The following SEC24B variants were observed in gnomAD, a reference collection of about 807,000 sequenced individuals.
SEC24B encodes the protein protein transport protein Sec24B.
SEC24B carries 45 observed loss-of-function variants against 142.8 expected under a neutral mutation model. That is an observed-to-expected ratio of 0.32 (90% confidence interval 0.25 to 0.40). The LOEUF is 0.40. Among genes scored for constraint, SEC24B ranks in the 10% least tolerant of loss-of-function variants. SEC24B has a pLI of 1.00. For synonymous variants in SEC24B, 574 were observed against 568.2 expected (o/e 1.01, Z -0.15); for missense variants, 1,409 against 1,526.8 (o/e 0.92, Z 1.29).
At chr4:109,524,374 T>A (rs1044976285) in intron 14 of SEC24B, among the ~76,000 whole-genome samples, 2 of 152,154 alleles carry the variant, frequency 1.3e-5, no homozygotes, top group African/African-American at 4.8e-5. Flanking sequence ...AGCTCAAGTC[T>A]TCTCATACCA....
chr4:109,529,880 C>G (rs201613271), intron 18 of SEC24B, among the ~76,000 whole-genome samples: 2 of 152,072 alleles, frequency 1.3e-5, no homozygotes, highest in Admixed American at 1.3e-4. Flanking sequence ...ACTACAGGCA[C>G]GTGCCACCAT....
At chr4:109,462,023 CTG>C (rs1163277120) in intron 1 of SEC24B, among the ~76,000 whole-genome samples, 1 of 152,036 alleles carries the variant, frequency 6.6e-6, no homozygotes, top group East Asian at 1.9e-4. Flanking sequence ...GAGCCTGTCT[CTG>C]TAAAAAATAA....
At chr4:109,534,502 G>T (rs1232758560) in intron 22 of SEC24B, among the ~76,000 whole-genome samples, 1 of 151,942 alleles carries the variant, frequency 6.6e-6, no homozygotes, top group African/African-American at 2.4e-5. Context: ...CAGGAGAATG[G>T]TGTGAACTCG....
At chr4:109,516,752 T>C in intron 11 of SEC24B, 112 bp downstream of exon 11, 1 of 553,662 alleles carries the variant, frequency 1.8e-6, no homozygotes, top group Non-Finnish European at 3.1e-6. Context: ...ATTTATCAAC[T>C]AAAAAGAGTA....
intron 17 of SEC24B, 108 bp downstream of exon 17, chr4:109,526,507 G>T: frequency 2.7e-6 from 2 of 734,462 alleles, no homozygotes; most frequent in Non-Finnish European, 4.2e-6. Flanking sequence ...GGGAAGTAAT[G>T]GAATTTGTAT....
At chr4:109,499,471 CA>C (rs1043743780) in intron 6 of SEC24B, among the ~76,000 whole-genome samples, 1 of 150,188 alleles carries the variant, frequency 6.7e-6, no homozygotes, top group Non-Finnish European at 1.5e-5. Flanking sequence ...GAACCTGTGA[CA>C]AAAGAAAAAA....
At chr4:109,528,797 G>A (rs1724563769) in intron 18 of SEC24B, among the ~76,000 whole-genome samples, 1 of 152,224 alleles carries the variant, frequency 6.6e-6, no homozygotes, top group Non-Finnish European at 1.5e-5. Flanking sequence ...TAGAGAAAGA[G>A]AGTTATTAAT....
At chr4:109,472,831 T>A (rs1286897709) in intron 2 of SEC24B, among the ~76,000 whole-genome samples, 173 bp from the exon 3 acceptor site, 1 of 150,520 alleles carries the variant, frequency 6.6e-6, no homozygotes, top group Non-Finnish European at 1.5e-5. Flanking sequence ...TAGGTAAATG[T>A]GATGCTATTG....
intron 4 of SEC24B, among the ~76,000 whole-genome samples, chr4:109,490,009 A>G (rs1309989889): frequency 6.6e-6 from 1 of 152,092 alleles, no homozygotes; most frequent in African/African-American, 2.4e-5. Flanking sequence ...CACTGCATAA[A>G]TATTAGTGTC....
At chr4:109,453,889 C>T (rs1414152751) in intron 1 of SEC24B, among the ~76,000 whole-genome samples, 7 of 152,192 alleles carry the variant, frequency 4.6e-5, no homozygotes, top group Non-Finnish European at 1.0e-4. Flanking sequence ...CGGAGTTTCG[C>T]TCTTGTCCCC....
intron 4 of SEC24B, among the ~76,000 whole-genome samples, chr4:109,482,973 T>TAC (rs1243190224): frequency 3.4e-4 from 21 of 61,402 alleles, no homozygotes; most frequent in Middle Eastern, 7.9e-3. Flanking sequence ...TATATATATA[T>TAC]ATATATACAC....
Position 109,539,732 on chromosome 4 carries a change from C to A in SEC24B, c.*57C>A. On this transcript the variant is annotated 3_prime_UTR_variant, in exon 24 of 24. Coordinates refer to ENST00000265175, the MANE Select transcript of SEC24B (RefSeq NM_006323.5). ...ATAACCTAGGTAAAGCATAATCTGT[C>A]AGAGAAGCGCGTGAGAAATTTGAAA... The A allele has an allele frequency of 8.9e-7, 1 of 1,129,654 alleles. No homozygotes were observed. Among genetic ancestry groups the A allele is most frequent in the Non-Finnish European group, 1.3e-6 (1 of 756,670 alleles). 70.0% of individuals were successfully genotyped at this position (1,129,654 alleles called of 1,614,324 possible).
At chr4:109,449,721 T>A (rs893237100) in intron 1 of SEC24B, among the ~76,000 whole-genome samples, 11 of 152,182 alleles carry the variant, frequency 7.2e-5, no homozygotes, top group Non-Finnish European at 1.5e-4. Flanking sequence ...CCTGCCTTCA[T>A]GACCTAATGT....
At chr4:109,535,614 C>T (rs1004116101) in intron 22 of SEC24B, among the ~76,000 whole-genome samples, 14 of 150,912 alleles carry the variant, frequency 9.3e-5, no homozygotes, top group Non-Finnish European at 1.6e-4. Flanking sequence ...TTTGGGAGGC[C>T]GAGGTGGGTG....
chr4:109,532,744 G>A lies in SEC24B; in HGVS notation c.3495+1G>A. On this transcript the variant is annotated splice_donor_variant, in intron 21 of 23. Transcript: ENST00000265175. LOFTEE classifies it high-confidence loss of function. ...TGCTTTCCTTATGGACTGTGGCTCTGTAAGCACCCTTTACTGGCAAAGCTT... is the reference window on the plus strand; with the variant it reads ...TGCTTTCCTTATGGACTGTGGCTCTATAAGCACCCTTTACTGGCAAAGCTT... The A allele has an allele frequency of 7.0e-7, 1 of 1,436,898 alleles. No homozygotes were observed. 89.0% of individuals were successfully genotyped at this position (1,436,898 alleles called of 1,614,324 possible). A position where few individuals can be genotyped will look rare whatever the true frequency, so the allele number is the denominator to read the frequency against.
intron 22 of SEC24B, among the ~76,000 whole-genome samples, chr4:109,537,604 T>C (rs956190817): frequency 1.3e-5 from 2 of 152,148 alleles, no homozygotes; most frequent in Admixed American, 6.5e-5. Context: ...ACTGCACTTG[T>C]GTACAGCCAT....
intron 4 of SEC24B, among the ~76,000 whole-genome samples, chr4:109,491,054 A>G (rs1182271642): frequency 7.0e-6 from 1 of 143,676 alleles, no homozygotes; most frequent in African/African-American, 2.4e-5. Flanking sequence ...GACTAGTTTT[A>G]ATAGTTTAAT....
At chr4:109,518,223 A>ATACCTGGCGT (rs1723191255) in intron 11 of SEC24B, among the ~76,000 whole-genome samples, 1 of 152,108 alleles carries the variant, frequency 6.6e-6, no homozygotes, top group Non-Finnish European at 1.5e-5. Context: ...ACCTGGCTCT[A>ATACCTGGCGT]ATTCCCTCCT....
intron 1 of SEC24B, among the ~76,000 whole-genome samples, chr4:109,440,235 C>T (rs575490403): frequency 1.3e-5 from 2 of 152,020 alleles, no homozygotes; most frequent in Non-Finnish European, 2.9e-5. Context: ...TTTGCAGTGT[C>T]TTTTCACTCC....
Sources: gnomAD v4.1 joint callset for allele counts (sites outside exome capture counted in the v4.1 genomes callset) on GRCh38, gnomAD v4.1.1 for gene constraint, MANE v1.5 for transcripts, NCBI Gene and HGNC (gene_info 2026-07-23, HGNC 2026-07-21) for gene names.